The following PRLR variants were observed in gnomAD, a reference collection of about 807,000 sequenced individuals.
PRLR encodes the protein prolactin receptor.
Under a neutral mutation model 40.2 loss-of-function variants are expected in PRLR, and 13 were observed. The ratio of observed to expected loss-of-function variants is 0.32; its 90% CI spans 0.21 to 0.51. The LOEUF (loss-of-function observed/expected upper bound fraction) is 0.51, where lower values mean the gene tolerates loss of function less well. Among genes scored for constraint, PRLR ranks in the 20% least tolerant of loss-of-function variants. The pLI, the probability that PRLR is intolerant of heterozygous loss-of-function variation, is 0.97. For missense variants in PRLR, 656 were observed against 747.3 expected (o/e 0.88, Z 1.42); for synonymous variants, 269 against 278.7 (o/e 0.97, Z 0.35).
intron 1 of PRLR, among the ~76,000 whole-genome samples, chr5:35,187,241 A>G (rs1264919973): frequency 4.6e-5 from 7 of 152,102 alleles, no homozygotes; most frequent in Non-Finnish European, 1.0e-4. Flanking sequence ...TCTTTACTAA[A>G]AATACAAAAA....
At chr5:35,150,409 G>A (rs1015136588) in intron 1 of PRLR, among the ~76,000 whole-genome samples, 1 of 152,172 alleles carries the variant, frequency 6.6e-6, no homozygotes, top group African/African-American at 2.4e-5. Context: ...TGGAAAATAA[G>A]AGCCTTCTGC....
chr5:35,090,037 C>T lies in PRLR; in HGVS notation c.-43-374G>A, dbSNP rs77382885. 9.9e-3 allele frequency among the ~76,000 whole-genome samples: 1,502 copies of T among 152,264 alleles called. 24 individuals carry two copies. The highest frequency in any genetic ancestry group is 0.035 in the African/African-American group (1,439 of 41,540). On this transcript the variant is annotated intron_variant, in intron 2 of 9. Coordinates refer to ENST00000618457, the MANE Select transcript of PRLR (RefSeq NM_000949.7). ...TTGTATGTCCTATGGGAGAATCCTA[C>T]GAGGGCTCTTGCTCTGGTCCATCAG...
intron 1 of PRLR, among the ~76,000 whole-genome samples, chr5:35,134,681 G>A (rs1251390451): frequency 6.6e-6 from 1 of 152,204 alleles, no homozygotes; most frequent in African/African-American, 2.4e-5. Context: ...AATAAAAGGT[G>A]TCTTTTGTTA....
Position 35,068,219 on chromosome 5 carries a change from C to T in PRLR, c.852G>A (p.Leu284=), listed in dbSNP as rs1284375323. Residue 284 remains leucine, a synonymous_variant, in exon 9 of 10, where the codon TTG becomes TTA. Coordinates refer to ENST00000618457, the MANE Select transcript of PRLR (RefSeq NM_000949.7). Reference sequence around the variant, plus strand: ...TTTTTTTGCCTCCTGTACTTACCTCCAACAGATGAGCATCAAATCCTTTTA... The same window carrying T: ...TTTTTTTGCCTCCTGTACTTACCTCTAACAGATGAGCATCAAATCCTTTTA... ...PKIKGFDAHL[L]EKGKSEELLS... 1 of 1,611,214 alleles carries T rather than the reference C, an allele frequency of 6.2e-7. No homozygotes were observed. Among genetic ancestry groups the T allele is most frequent in the Non-Finnish European group, 8.5e-7 (1 of 1,177,496 alleles).
intron 2 of PRLR, among the ~76,000 whole-genome samples, chr5:35,116,593 C>T (rs1056909931): frequency 1.3e-5 from 2 of 152,116 alleles, no homozygotes; most frequent in Admixed American, 1.3e-4. Context: ...TCAGCATTGC[C>T]CTGTTCTCCT....
At chr5:35,100,201 A>C (rs897748252) in intron 2 of PRLR, among the ~76,000 whole-genome samples, 6 of 151,878 alleles carry the variant, frequency 4.0e-5, no homozygotes, top group Non-Finnish European at 8.8e-5. Context: ...AAAAAAAAAA[A>C]AGTCAAAATG....
chr5:35,127,454 G>GAAGTCATTTTTATTATCAATACT (rs2111758591), intron 1 of PRLR, among the ~76,000 whole-genome samples: 1 of 152,240 alleles, frequency 6.6e-6, no homozygotes, highest in African/African-American at 2.4e-5. Context: ...AACTTAAACA[G>GAAGTCATTTTTATTATCAATACT]AAGTCATTTT....
At chr5:35,100,911 G>A (rs1771837202) in intron 2 of PRLR, among the ~76,000 whole-genome samples, 1 of 152,224 alleles carries the variant, frequency 6.6e-6, no homozygotes, top group Admixed American at 6.5e-5. Context: ...TCACATGGGT[G>A]AGAAATAAAC....
At chr5:35,189,292 G>A (rs1775535262) in intron 1 of PRLR, among the ~76,000 whole-genome samples, 1 of 152,140 alleles carries the variant, frequency 6.6e-6, no homozygotes, top group South Asian at 2.1e-4. Flanking sequence ...TACTTCAGAA[G>A]GGTGCTGGTC....
intron 1 of PRLR, among the ~76,000 whole-genome samples, chr5:35,164,575 G>T (rs1774767052): frequency 6.6e-6 from 1 of 152,172 alleles, no homozygotes; most frequent in African/African-American, 2.4e-5. Flanking sequence ...ATGGAGTCTG[G>T]TATAAGACTG....
At chr5:35,185,839 C>G (rs771898500) in intron 1 of PRLR, among the ~76,000 whole-genome samples, 1 of 152,170 alleles carries the variant, frequency 6.6e-6, no homozygotes, top group Non-Finnish European at 1.5e-5. Context: ...GGGAGAGAGT[C>G]GTGATTGTAT....
intron 1 of PRLR, among the ~76,000 whole-genome samples, chr5:35,175,571 G>A (rs1399621357): frequency 6.6e-6 from 1 of 152,174 alleles, no homozygotes; most frequent in Non-Finnish European, 1.5e-5. Context: ...TAAGCAAGGA[G>A]GAAAAGGCCT....
intron 1 of PRLR, among the ~76,000 whole-genome samples, chr5:35,153,950 C>T (rs1453569955): frequency 6.6e-6 from 1 of 152,120 alleles, no homozygotes; most frequent in African/African-American, 2.4e-5. Flanking sequence ...TCCTTGCCTC[C>T]AGAAAGAGCC....
intron 1 of PRLR, among the ~76,000 whole-genome samples, chr5:35,228,694 T>C (rs1776614684): frequency 6.6e-6 from 1 of 152,138 alleles, no homozygotes; most frequent in African/African-American, 2.4e-5. Context: ...AGGGGTCCCC[T>C]GGAGTCAGAG....
chr5:35,071,073 G>C (rs1769719482), intron 6 of PRLR, among the ~76,000 whole-genome samples: 1 of 152,010 alleles, frequency 6.6e-6, no homozygotes, highest in South Asian at 2.1e-4. Flanking sequence ...ACTTATGGTG[G>C]GTCAACCAGA....
At chr5:35,176,946 G>A (rs1324247163) in intron 1 of PRLR, among the ~76,000 whole-genome samples, 9 of 152,242 alleles carry the variant, frequency 5.9e-5, no homozygotes, top group Admixed American at 5.2e-4. Context: ...TCCATCTACT[G>A]AGATAGGGAA....
At chr5:35,105,569 C>T (rs928825222) in intron 2 of PRLR, among the ~76,000 whole-genome samples, 7 of 152,096 alleles carry the variant, frequency 4.6e-5, no homozygotes, top group Non-Finnish European at 7.4e-5. Context: ...GGCACGAGAA[C>T]TATATGACGC....
chr5:35,118,321 TA>T (rs35030984), intron 1 of PRLR, among the ~76,000 whole-genome samples, 199 bp from the exon 2 acceptor site: 11,072 of 139,272 alleles, frequency 0.079, 775 homozygotes, highest in African/African-American at 0.18. Flanking sequence ...TATAAAATAG[TA>T]AAAAAAAAAA....
chr5:35,164,793 T>C (rs16872491), intron 1 of PRLR, among the ~76,000 whole-genome samples: 26,450 of 151,972 alleles, frequency 0.17, 2,412 homozygotes, highest in African/African-American at 0.22. Flanking sequence ...CAGTTCAGAG[T>C]TGATGCCAGG....
Sources: gnomAD v4.1 joint callset for allele counts (sites outside exome capture counted in the v4.1 genomes callset) on GRCh38, gnomAD v4.1.1 for gene constraint, MANE v1.5 for transcripts, NCBI Gene and HGNC (gene_info 2026-07-23, HGNC 2026-07-21) for gene names.